Variants in ADAMTSL1 observed in about 807,000 individuals in gnomAD.
ADAMTSL1 encodes ADAMTS like 1, also known as ADAMTS-like protein 1.
In ADAMTSL1, 126 loss-of-function variants were observed where a neutral mutation model predicts 201.8. That is an observed-to-expected ratio of 0.62 (90% CI 0.54 to 0.72). The LOEUF is 0.72. ADAMTSL1 is among the 30% of genes least tolerant of loss of function. The pLI is 0.00. For missense variants in ADAMTSL1, 2,679 were observed against 2,277.8 expected (o/e 1.18, Z -3.59); for synonymous variants, 1,121 against 903.4 (o/e 1.24, Z -4.32).
At chr9:18,072,192 A>T (rs571710141) in intron 1 of ADAMTSL1, among the ~76,000 whole-genome samples, 136 of 152,302 alleles carry the variant, frequency 8.9e-4, no homozygotes, top group African/African-American at 3.2e-3. Flanking sequence ...AAATGGGCTG[A>T]TTGAAGGCCT....
At chr9:18,846,925 T>C (rs1826154220) in intron 23 of ADAMTSL1, among the ~76,000 whole-genome samples, 1 of 152,044 alleles carries the variant, frequency 6.6e-6, no homozygotes, top group Admixed American at 6.5e-5. Context: ...TACCTCCTAG[T>C]GGTGGTGACA....
chr9:17,915,730 T>C (rs995693253), intron 1 of ADAMTSL1, among the ~76,000 whole-genome samples: 2 of 152,240 alleles, frequency 1.3e-5, no homozygotes, highest in Non-Finnish European at 2.9e-5. Context: ...TCTTTTCTTT[T>C]GGTCATTCAA....
In ADAMTSL1 at chr9:18,833,136, T is replaced by C. The variant is rs914714988; in HGVS notation, c.4249+3159T>C. Among the ~76,000 whole-genome samples, 75 of 152,220 alleles carry C rather than the reference T, an allele frequency of 4.9e-4. 1 individual carries two copies. Among genetic ancestry groups the C allele is most frequent in the Non-Finnish European group, 2.2e-4 (15 of 68,036 alleles). ...ACACATGCACAGGCCCACCTGGGCCTCACTTTTCCATAACTATAAAAATGA... is the reference window on the plus strand; with the variant it reads ...ACACATGCACAGGCCCACCTGGGCCCCACTTTTCCATAACTATAAAAATGA... On this transcript the variant is annotated intron_variant, in intron 23 of 28. Transcript: ENST00000380548.
At chr9:18,636,306 C>A (rs1338490674) in intron 6 of ADAMTSL1, among the ~76,000 whole-genome samples, 2 of 152,112 alleles carry the variant, frequency 1.3e-5, no homozygotes, top group East Asian at 1.9e-4. Flanking sequence ...ATATCTCATT[C>A]TCTTTCTTCT....
At chr9:18,550,175 G>T (rs1056881174) in intron 3 of ADAMTSL1, among the ~76,000 whole-genome samples, 1 of 151,928 alleles carries the variant, frequency 6.6e-6, no homozygotes, top group Non-Finnish European at 1.5e-5. Flanking sequence ...TAACACAATG[G>T]TTCTCCAAAG....
At chr9:18,694,592 T>A (rs1831437259) in intron 13 of ADAMTSL1, among the ~76,000 whole-genome samples, 1 of 152,076 alleles carries the variant, frequency 6.6e-6, no homozygotes, top group South Asian at 2.1e-4. Context: ...CAAAATGATC[T>A]CCTTTGACTC....
chr9:18,378,024 G>A (rs563288845), intron 2 of ADAMTSL1, among the ~76,000 whole-genome samples: 4 of 152,236 alleles, frequency 2.6e-5, no homozygotes, highest in African/African-American at 9.6e-5. Context: ...CTTCACCTTC[G>A]ATGAGCCCCC....
chr9:18,042,576 C>G (rs906370754), intron 1 of ADAMTSL1, among the ~76,000 whole-genome samples: 1 of 152,144 alleles, frequency 6.6e-6, no homozygotes, highest in African/African-American at 2.4e-5. Flanking sequence ...TTCATTGCTA[C>G]TCTATTCTGC....
intron 23 of ADAMTSL1, among the ~76,000 whole-genome samples, chr9:18,847,420 G>T (rs139254713): frequency 2.0e-5 from 3 of 152,290 alleles, no homozygotes; most frequent in African/African-American, 7.2e-5. Flanking sequence ...TCCTCTCATA[G>T]AACTGATGTT....
At chr9:18,354,068 TAC>T (rs1491545680) in intron 2 of ADAMTSL1, among the ~76,000 whole-genome samples, 3 of 145,686 alleles carry the variant, frequency 2.1e-5, no homozygotes, top group African/African-American at 7.6e-5. Context: ...TATATATATA[TAC>T]CTATAAATTT....
intron 2 of ADAMTSL1, among the ~76,000 whole-genome samples, chr9:18,298,193 C>T (rs565074098): frequency 5.9e-5 from 9 of 152,094 alleles, no homozygotes; most frequent in African/African-American, 1.9e-4. Context: ...CTGAGAGACT[C>T]CAATTAAGAT....
At chr9:18,136,457 C>G (rs1826161657) in intron 1 of ADAMTSL1, among the ~76,000 whole-genome samples, 1 of 151,964 alleles carries the variant, frequency 6.6e-6, no homozygotes, top group African/African-American at 2.4e-5. Flanking sequence ...AAAACAGTCC[C>G]TGACGTTGTA....
intron 15 of ADAMTSL1, among the ~76,000 whole-genome samples, chr9:18,727,954 C>A (rs1817989728): frequency 6.6e-6 from 1 of 151,948 alleles, no homozygotes; most frequent in Admixed American, 6.6e-5. Flanking sequence ...GTGGCGTGCC[C>A]CTGTAACCCC....
chr9:18,563,409 A>G (rs1821663463), intron 3 of ADAMTSL1, among the ~76,000 whole-genome samples: 1 of 152,170 alleles, frequency 6.6e-6, no homozygotes, highest in Non-Finnish European at 1.5e-5. Flanking sequence ...GGCACCCACC[A>G]GATGCCAGCT....
At chr9:18,630,618 G>A (rs953681104) in intron 5 of ADAMTSL1, among the ~76,000 whole-genome samples, 6 of 150,700 alleles carry the variant, frequency 4.0e-5, no homozygotes, top group African/African-American at 1.5e-4. Flanking sequence ...CTGGGGCAAT[G>A]TTGGGCCTTA....
intron 15 of ADAMTSL1, among the ~76,000 whole-genome samples, chr9:18,739,735 A>T (rs1371053630): frequency 6.6e-6 from 1 of 152,218 alleles, no homozygotes; most frequent in Non-Finnish European, 1.5e-5. Context: ...TAGGGCTAGA[A>T]AGTGCAGGGG....
chr9:18,613,499 T>C, intron 4 of ADAMTSL1, among the ~76,000 whole-genome samples: 1 of 152,146 alleles, frequency 6.6e-6, no homozygotes, highest in South Asian at 2.1e-4. Flanking sequence ...AAAGGAAATG[T>C]GGTAAAGAAA....
intron 2 of ADAMTSL1, among the ~76,000 whole-genome samples, chr9:18,247,894 G>A (rs1358149516): frequency 1.3e-5 from 2 of 151,942 alleles, no homozygotes; most frequent in African/African-American, 2.4e-5. Flanking sequence ...TATATGGATT[G>A]GATACTAAGG....
intron 2 of ADAMTSL1, among the ~76,000 whole-genome samples, chr9:18,321,594 C>A (rs1319283078): frequency 2.0e-5 from 3 of 152,046 alleles, no homozygotes; most frequent in African/African-American, 2.4e-5. Context: ...GAGATCGAGA[C>A]CATCCTGGCT....
Sources: gnomAD v4.1 joint callset for allele counts (sites outside exome capture counted in the v4.1 genomes callset) on GRCh38, gnomAD v4.1.1 for gene constraint, MANE v1.5 for transcripts, NCBI Gene and HGNC (gene_info 2026-07-23, HGNC 2026-07-21) for gene names.